PARD3: variants seen among roughly 807,000 people sequenced by gnomAD.
PARD3 encodes partitioning defective 3 homolog.
A neutral mutation model predicts 155.4 loss-of-function variants in PARD3; 75 were observed. The ratio of observed to expected loss-of-function variants is 0.48; its 90% CI spans 0.40 to 0.58. The LOEUF is 0.58. PARD3 is among the 20% of genes least tolerant of loss of function. The pLI is 0.00. For missense variants in PARD3, 1,642 were observed against 1,721.7 expected (o/e 0.95, Z 0.82); for synonymous variants, 576 against 610.5 (o/e 0.94, Z 0.83).
intron 18 of PARD3, among the ~76,000 whole-genome samples, chr10:34,335,768 C>T (rs10827348): frequency 0.6 from 90,881 of 151,870 alleles, 29,255 homozygotes; most frequent in African/African-American, 0.86. Flanking sequence ...CAATGAAAAA[C>T]ATTTATATTG....
At chr10:34,622,831 T>C (rs1336900388) in intron 2 of PARD3, among the ~76,000 whole-genome samples, 4 of 146,710 alleles carry the variant, frequency 2.7e-5, no homozygotes, top group South Asian at 2.1e-4. Flanking sequence ...TTTTTTCTTT[T>C]TTTTTTTTTT....
chr10:34,141,333 A>G (rs766754954), intron 22 of PARD3, among the ~76,000 whole-genome samples: 2 of 152,232 alleles, frequency 1.3e-5, no homozygotes, highest in Non-Finnish European at 2.9e-5. Context: ...CACTTTGCTC[A>G]GCTGATAAAA....
At chr10:34,357,970 TA>T (rs1237371215) in intron 14 of PARD3, among the ~76,000 whole-genome samples, 1 of 152,232 alleles carries the variant, frequency 6.6e-6, no homozygotes. Context: ...TTTATGTGTT[TA>T]TTAAACAGAA....
At chr10:34,254,390 CAAAAACAAAAACAAA>C (rs918347486) in intron 22 of PARD3, among the ~76,000 whole-genome samples, 1 of 90,374 alleles carries the variant, frequency 1.1e-5, no homozygotes, top group Admixed American at 9.9e-5. Context: ...AAAACAAAAA[CAAAAACAAAAACAAA>C]AACAAACAAA....
intron 2 of PARD3, among the ~76,000 whole-genome samples, chr10:34,661,127 A>G (rs1441832851): frequency 2.0e-5 from 3 of 152,230 alleles, no homozygotes; most frequent in Non-Finnish European, 4.4e-5. Flanking sequence ...TCTGTGTAAC[A>G]GAGCGGTTTT....
At chr10:34,207,350 C>T (rs560034464) in intron 22 of PARD3, among the ~76,000 whole-genome samples, 7 of 152,282 alleles carry the variant, frequency 4.6e-5, no homozygotes, top group African/African-American at 1.7e-4. Context: ...AACCCTCACC[C>T]TAACTGCTGA....
intron 2 of PARD3, among the ~76,000 whole-genome samples, chr10:34,676,343 T>C (rs1564493487): frequency 6.6e-6 from 1 of 152,150 alleles, no homozygotes; most frequent in Non-Finnish European, 1.5e-5. Context: ...GAAGAGAGGA[T>C]GGTTCCTGCT....
At position 34,348,099 on chromosome 10, in the gene PARD3, C is replaced by A; in HGVS notation, c.2084G>T (p.Ser695Ile). Residue 695 changes from serine to isoleucine, a missense_variant, in exon 15 of 25, where the codon AGC becomes ATC. By Grantham distance (142) the Ser-to-Ile change is moderately radical. Around this residue, in one of 3 missense-constraint regions of PARD3, gnomAD observed 1,529 missense variants for 1,587.3 expected, o/e 0.96. Transcript: ENST00000374788. ...AATGGGCAGCTCAGGTCCAGGGGGGCTCCCAGGTGACTTCAGCTACAGAGT... is the reference window on the plus strand; with the variant it reads ...AATGGGCAGCTCAGGTCCAGGGGGGATCCCAGGTGACTTCAGCTACAGAGT... Reference protein sequence around the residue: ...SKCNELKSPGSPPGPELPIET... With the variant: ...SKCNELKSPGIPPGPELPIET... The A allele has an allele frequency of 6.2e-7, 1 of 1,608,602 alleles. No homozygotes were observed. The highest frequency in any genetic ancestry group is 8.5e-7 in the Non-Finnish European group (1 of 1,177,710).
At chr10:34,394,262 G>A (rs1454500334) in intron 7 of PARD3, among the ~76,000 whole-genome samples, 2 of 152,166 alleles carry the variant, frequency 1.3e-5, no homozygotes, top group African/African-American at 4.8e-5. Context: ...CTGACCTCAG[G>A]TGATCTGCCC....
chr10:34,170,288 T>C (rs1358718155), intron 22 of PARD3, among the ~76,000 whole-genome samples: 1 of 152,180 alleles, frequency 6.6e-6, no homozygotes, highest in Non-Finnish European at 1.5e-5. Flanking sequence ...GGTCTTGCTA[T>C]GCTGCCCAGG....
chr10:34,623,778 G>A lies in PARD3; in HGVS notation c.222+72540C>T, dbSNP rs190603338. 1.6e-3 allele frequency among the ~76,000 whole-genome samples: 246 copies of A among 149,920 alleles called. 1 individual carries two copies. Among genetic ancestry groups the A allele is most frequent in the Admixed American group, 3.6e-3 (55 of 15,176 alleles). Reference sequence around the variant, plus strand: ...GGGCGGATCACGAGGTCAGGAGATCGAAACCATCCTGGCTAACACGGTGAA... The same window carrying A: ...GGGCGGATCACGAGGTCAGGAGATCAAAACCATCCTGGCTAACACGGTGAA... On this transcript the variant is annotated intron_variant, in intron 2 of 24. Transcript: ENST00000374788.
chr10:34,549,261 G>T (rs2084348440), intron 2 of PARD3, among the ~76,000 whole-genome samples: 2 of 152,134 alleles, frequency 1.3e-5, no homozygotes, highest in South Asian at 4.1e-4. Context: ...AGTACCCACA[G>T]TACAGTCTTA....
intron 5 of PARD3, among the ~76,000 whole-genome samples, chr10:34,409,955 TACTTA>T (rs1844884067): frequency 6.6e-6 from 1 of 152,200 alleles, no homozygotes; most frequent in African/African-American, 2.4e-5. Context: ...TTTGACAAGT[TACTTA>T]ACTTCTCTGT....
intron 20 of PARD3, among the ~76,000 whole-genome samples, chr10:34,287,565 A>T (rs582744): frequency 0.68 from 102,813 of 152,044 alleles, 36,155 homozygotes; most frequent in African/African-American, 0.88. Flanking sequence ...TGATTTTGCA[A>T]GTTTTAAAAC....
intron 1 of PARD3, among the ~76,000 whole-genome samples, chr10:34,741,287 T>C (rs921051206): frequency 2.0e-5 from 3 of 149,182 alleles, no homozygotes; most frequent in African/African-American, 7.4e-5. Flanking sequence ...TGGGCTCAAG[T>C]GATCCTCCCA....
intron 2 of PARD3, among the ~76,000 whole-genome samples, chr10:34,581,068 C>G (rs1277990841): frequency 1.3e-5 from 2 of 152,108 alleles, no homozygotes; most frequent in Non-Finnish European, 2.9e-5. Flanking sequence ...TACTTGAACT[C>G]ATCGTAAGTA....
chr10:34,409,359 G>A (rs938771307), intron 5 of PARD3, among the ~76,000 whole-genome samples: 1 of 152,128 alleles, frequency 6.6e-6, no homozygotes, highest in Admixed American at 6.6e-5. Flanking sequence ...AGAGCATGGA[G>A]GAATCTTCTT....
chr10:34,601,552 A>C (rs2089784649), intron 2 of PARD3, among the ~76,000 whole-genome samples: 1 of 152,224 alleles, frequency 6.6e-6, no homozygotes, highest in South Asian at 2.1e-4. Context: ...TTCACATGGA[A>C]GTTAATTCAG....
At chr10:34,175,725 A>G (rs1950002477) in intron 22 of PARD3, among the ~76,000 whole-genome samples, 1 of 152,248 alleles carries the variant, frequency 6.6e-6, no homozygotes, top group Non-Finnish European at 1.5e-5. Context: ...AAGGAAATAC[A>G]AAGTGAATAT....
Sources: gnomAD v4.1 joint callset for allele counts (sites outside exome capture counted in the v4.1 genomes callset) on GRCh38, gnomAD v4.1.1 for gene constraint, gnomAD v4.1.1 regional missense constraint, MANE v1.5 for transcripts, NCBI Gene and HGNC (gene_info 2026-07-23, HGNC 2026-07-21) for gene names.